CYFIP2: variants seen among roughly 807,000 people sequenced by gnomAD.
CYFIP2 encodes cytoplasmic FMR1 interacting protein 2, also known as cytoplasmic FMR1-interacting protein 2.
A neutral mutation model predicts 158.7 loss-of-function variants in CYFIP2; 29 were observed. That is an observed-to-expected ratio of 0.18 (90% CI 0.14 to 0.25). The LOEUF (loss-of-function observed/expected upper bound fraction) is 0.25. CYFIP2 is among the 10% of genes least tolerant of loss of function. The pLI, the probability that CYFIP2 is intolerant of heterozygous loss-of-function variation, is 1.00. For missense variants in CYFIP2, 852 were observed against 1,639.5 expected (o/e 0.52, Z 8.29); for synonymous variants, 585 against 617.6 (o/e 0.95, Z 0.78).
At chr5:157,374,272 G>A (rs1765260572) in intron 26 of CYFIP2, among the ~76,000 whole-genome samples, 1 of 152,124 alleles carries the variant, frequency 6.6e-6, no homozygotes. Context: ...TTGCCTTCAG[G>A]AAATCATAAA....
intron 30 of CYFIP2, among the ~76,000 whole-genome samples, chr5:157,392,289 G>C (rs558029872): frequency 6.6e-6 from 1 of 152,248 alleles, no homozygotes; most frequent in South Asian, 2.1e-4. Flanking sequence ...CATACCCCAA[G>C]ATATTATTGC....
At chr5:157,379,859 A>C (rs1183242895) in intron 26 of CYFIP2, among the ~76,000 whole-genome samples, 1 of 152,158 alleles carries the variant, frequency 6.6e-6, no homozygotes, top group Non-Finnish European at 1.5e-5. Flanking sequence ...AGGGACAAAG[A>C]GTAATGCATG....
chr5:157,350,611 C>G (rs1402147554), intron 23 of CYFIP2, among the ~76,000 whole-genome samples: 1 of 152,108 alleles, frequency 6.6e-6, no homozygotes, highest in African/African-American at 2.4e-5. Flanking sequence ...TGTGTGGGCT[C>G]TTTTTCAGTT....
intron 23 of CYFIP2, chr5:157,343,482 A>T: frequency 6.2e-7 from 1 of 1,604,896 alleles, no homozygotes; most frequent in Non-Finnish European, 8.5e-7. Context: ...GGCTCCGAGG[A>T]CGACCAGGAG....
chr5:157,297,858 A>T (rs961112599), intron 5 of CYFIP2, among the ~76,000 whole-genome samples: 3 of 152,270 alleles, frequency 2.0e-5, no homozygotes, highest in African/African-American at 7.2e-5. Context: ...AACATGAAAA[A>T]TTCAGTTCCT....
intron 1 of CYFIP2, among the ~76,000 whole-genome samples, chr5:157,280,853 G>C (rs1756940376): frequency 6.6e-6 from 1 of 151,918 alleles, no homozygotes; most frequent in Admixed American, 6.6e-5. Flanking sequence ...ACATAACCTT[G>C]ATATTATCAA....
intron 21 of CYFIP2, among the ~76,000 whole-genome samples, chr5:157,335,649 C>T (rs1187120788): frequency 6.6e-6 from 1 of 152,140 alleles, no homozygotes; most frequent in Non-Finnish European, 1.5e-5. Context: ...TTTCTTAGGG[C>T]TTGACCTACC....
chr5:157,267,690 A>G (rs1191422388), intron 1 of CYFIP2, among the ~76,000 whole-genome samples: 1 of 152,256 alleles, frequency 6.6e-6, no homozygotes, highest in Non-Finnish European at 1.5e-5. Flanking sequence ...TTTACAAGTC[A>G]TTTGACCGGA....
intron 1 of CYFIP2, among the ~76,000 whole-genome samples, chr5:157,276,113 C>T (rs1194278572): frequency 6.6e-6 from 1 of 152,144 alleles, no homozygotes; most frequent in Non-Finnish European, 1.5e-5. Context: ...TTTACTTTTT[C>T]CTTTCTAATC....
At chr5:157,328,073 G>T in intron 19 of CYFIP2, 24 bp downstream of exon 19, 1 of 1,608,712 alleles carries the variant, frequency 6.2e-7, no homozygotes, top group Non-Finnish European at 8.5e-7. Context: ...AGAGCTGTGA[G>T]TAGCAATCTC....
intron 23 of CYFIP2, among the ~76,000 whole-genome samples, chr5:157,348,101 A>G (rs1184498462): frequency 6.6e-6 from 1 of 152,258 alleles, no homozygotes; most frequent in Non-Finnish European, 1.5e-5. Context: ...CTTCGCTCTC[A>G]GGCCAGGTGA....
intron 26 of CYFIP2, chr5:157,375,698 C>T (rs556640052): frequency 1.8e-4 from 27 of 150,676 alleles, no homozygotes; most frequent in East Asian, 1.4e-3. Flanking sequence ...CTGTGGCCCA[C>T]GACAATTTTT....
At chr5:157,295,139 G>T (rs1561699552) in intron 4 of CYFIP2, among the ~76,000 whole-genome samples, 2 of 152,304 alleles carry the variant, frequency 1.3e-5, no homozygotes, top group East Asian at 3.9e-4. Flanking sequence ...CAGAGGGTAT[G>T]AAGTAAAAAG....
intron 1 of CYFIP2, among the ~76,000 whole-genome samples, chr5:157,277,652 T>C (rs1420851900): frequency 6.6e-6 from 1 of 152,240 alleles, no homozygotes; most frequent in Non-Finnish European, 1.5e-5. Flanking sequence ...TGTTATGTTT[T>C]ATTTCATGGG....
intron 3 of CYFIP2, among the ~76,000 whole-genome samples, chr5:157,292,568 C>T (rs941572417): frequency 9.9e-5 from 15 of 152,124 alleles, no homozygotes; most frequent in African/African-American, 3.4e-4. Context: ...ATTGGTAGTT[C>T]GTTACTTTGT....
chr5:157,288,064 G>A (rs1317662048), intron 3 of CYFIP2, among the ~76,000 whole-genome samples: 1 of 152,178 alleles, frequency 6.6e-6, no homozygotes, highest in Admixed American at 6.5e-5. Context: ...CTGCATTCCA[G>A]CCTGGGCAAC....
chr5:157,311,572 C>T lies in CYFIP2; in HGVS notation c.993-92C>T. On this transcript the variant is annotated intron_variant, in intron 10 of 30. Transcript: ENST00000620254. This position sits in a 1 kb window ranked among gnomAD's most constrained non-coding sequence, Gnocchi z 4.7. ...ATTTGGTGTCACCCAGGGGAGTTGG[C>T]CACGTGGGCTGAGCACCAGGAGCAG... The T allele has an allele frequency of 1.7e-6, 2 of 1,161,362 alleles. No individual in the cohort carries two copies. The highest frequency in any genetic ancestry group is 2.6e-5 in the East Asian group (1 of 38,778). The allele number at this position is 1,161,362 out of a possible 1,614,324, so 71.9% of individuals were successfully genotyped here. A position where few individuals can be genotyped will look rare whatever the true frequency, so the allele number is the denominator to read the frequency against.
intron 7 of CYFIP2, 145 bp from the exon 8 acceptor site, chr5:157,304,093 C>A: frequency 1.0e-6 from 1 of 998,336 alleles, no homozygotes; most frequent in Non-Finnish European, 1.5e-6. Flanking sequence ...CAGGTGCCAG[C>A]TGGCATGCAG....
chr5:157,274,449 T>C (rs1756380108), intron 1 of CYFIP2, among the ~76,000 whole-genome samples: 1 of 152,254 alleles, frequency 6.6e-6, no homozygotes, highest in South Asian at 2.1e-4. Flanking sequence ...AAATACTCCA[T>C]GTGGCTATAC....
Sources: gnomAD v4.1 joint callset for allele counts (sites outside exome capture counted in the v4.1 genomes callset) on GRCh38, gnomAD v4.1.1 for gene constraint, Gnocchi (gnomAD v3.1) non-coding constraint, MANE v1.5 for transcripts, NCBI Gene and HGNC (gene_info 2026-07-23, HGNC 2026-07-21) for gene names.